Variants in GCSAML observed in about 807,000 individuals in gnomAD.
GCSAML encodes germinal center-associated signaling and motility-like protein.
Under a neutral mutation model 13.0 loss-of-function variants are expected in GCSAML, and 9 were observed. The ratio of observed to expected loss-of-function variants is 0.69; its 90% confidence interval spans 0.42 to 1.21. The LOEUF (loss-of-function observed/expected upper bound fraction) is 1.21. Ranked by LOEUF, GCSAML falls within the 50% of genes most tolerant of loss-of-function variation. The pLI, the probability that GCSAML is intolerant of heterozygous loss-of-function variation, is 0.00. For synonymous variants in GCSAML, 37 were observed against 52.9 expected (o/e 0.70, Z 1.31); for missense variants, 143 against 153.4 (o/e 0.93, Z 0.36).
chr1:247,520,141 T>A (rs985938364), intron 1 of GCSAML, among the ~76,000 whole-genome samples: 1 of 152,206 alleles, frequency 6.6e-6, no homozygotes, highest in Non-Finnish European at 1.5e-5. Flanking sequence ...TGAAATTACA[T>A]CTATTTCCAT....
intron 2 of GCSAML, chr1:247,530,605 G>C (rs1238452259): frequency 6.6e-6 from 1 of 150,880 alleles, no homozygotes; most frequent in African/African-American, 2.4e-5. Flanking sequence ...ATTTTAACAT[G>C]TATCAGGTAC....
At chr1:247,550,359 T>C (rs116822129) in intron 1 of GCSAML, among the ~76,000 whole-genome samples, 4,876 of 152,208 alleles carry the variant, frequency 0.032, 125 homozygotes, top group East Asian at 0.089. Context: ...TAAGGGTGGC[T>C]GGGCACGGTG....
At chr1:247,553,811 G>C (rs1359542817) in intron 1 of GCSAML, among the ~76,000 whole-genome samples, 1 of 152,174 alleles carries the variant, frequency 6.6e-6, no homozygotes, top group Admixed American at 6.6e-5. Flanking sequence ...ATTATCAAAT[G>C]CAGTTTTAAA....
chr1:247,528,293 A>G (rs2103328567), intron 2 of GCSAML: 2 of 151,598 alleles, frequency 1.3e-5, no homozygotes, highest in African/African-American at 4.8e-5. Context: ...GGGGTGCAGT[A>G]TGATGTTTTG....
chr1:247,563,816 A>T (rs75349326), intron 3 of GCSAML, among the ~76,000 whole-genome samples, 177 bp downstream of exon 3: 3,239 of 152,232 alleles, frequency 0.021, 107 homozygotes, highest in African/African-American at 0.073. Context: ...TTTGTATATT[A>T]TTTTTTGAGT....
At chr1:247,562,489 G>A (rs771016074) in intron 2 of GCSAML, among the ~76,000 whole-genome samples, 39 of 152,138 alleles carry the variant, frequency 2.6e-4, no homozygotes, top group Admixed American at 5.2e-4. Context: ...GCTTGGCAGT[G>A]CCAGACAGAC....
In GCSAML at chr1:247,577,091, T is replaced by C. The variant is rs1230044065; in HGVS notation, c.*2709T>C. 2 of 152,220 alleles carry C rather than the reference T, an allele frequency of 1.3e-5. No homozygotes were observed. The highest frequency in any genetic ancestry group is 3.8e-4 in the East Asian group (2 of 5,204). The allele number at this position is 152,220 out of a possible 1,614,324, so 9.4% of individuals were successfully genotyped here. Reference sequence around the variant, plus strand: ...TCAGCAAAGCAGGATTTAAGAAATGTAACTATCTTATGTGGTTATGAAGAA... The same window carrying C: ...TCAGCAAAGCAGGATTTAAGAAATGCAACTATCTTATGTGGTTATGAAGAA... On this transcript the variant is annotated 3_prime_UTR_variant, in exon 5 of 5. Transcript: ENST00000366488.
At chr1:247,559,354 G>A (rs1190646639) in intron 2 of GCSAML, among the ~76,000 whole-genome samples, 3 of 152,040 alleles carry the variant, frequency 2.0e-5, no homozygotes, top group Non-Finnish European at 4.4e-5. Context: ...TCTTTCATAT[G>A]GATTCTAAAT....
chr1:247,544,747 C>T (rs576692645), upstream of GCSAML, among the ~76,000 whole-genome samples: 24 of 152,194 alleles, frequency 1.6e-4, no homozygotes, highest in African/African-American at 5.5e-4. Context: ...CCCAGCTACT[C>T]GGGAGCCCAA....
intron 2 of GCSAML, among the ~76,000 whole-genome samples, chr1:247,559,369 T>C (rs1389287561): frequency 6.6e-6 from 1 of 152,234 alleles, no homozygotes; most frequent in Non-Finnish European, 1.5e-5. Flanking sequence ...CTAAATAGTT[T>C]GGTGTGTAGC....
At chr1:247,573,583 G>A (rs532359313) in intron 4 of GCSAML, among the ~76,000 whole-genome samples, 16 of 152,200 alleles carry the variant, frequency 1.1e-4, no homozygotes, top group African/African-American at 2.4e-4. Context: ...GAAATCACCC[G>A]CCTTCTCTAT....
At chr1:247,560,231 A>G (rs1329686551) in intron 2 of GCSAML, among the ~76,000 whole-genome samples, 1 of 152,184 alleles carries the variant, frequency 6.6e-6, no homozygotes, top group Non-Finnish European at 1.5e-5. Context: ...TTCCCCATTC[A>G]CCAGCTGCTT....
intron 2 of GCSAML, chr1:247,528,218 T>C (rs1666761643): frequency 6.6e-6 from 1 of 150,548 alleles, no homozygotes; most frequent in African/African-American, 2.4e-5. Flanking sequence ...CAAAATTGTA[T>C]AATTATTTTT....
At chr1:247,518,619 A>G (rs1028450537) in intron 1 of GCSAML, 7 of 152,284 alleles carry the variant, frequency 4.6e-5, no homozygotes, top group African/African-American at 1.7e-4. Context: ...GTAGGCGGGA[A>G]CACTCACCCC....
chr1:247,546,410 G>A (rs190053870), upstream of GCSAML, among the ~76,000 whole-genome samples: 1 of 152,082 alleles, frequency 6.6e-6, no homozygotes, highest in Non-Finnish European at 1.5e-5. Flanking sequence ...CCAGGCTGGA[G>A]TGCAGTGGCG....
intron 1 of GCSAML, among the ~76,000 whole-genome samples, chr1:247,512,406 C>A (rs1448051614): frequency 1.3e-5 from 2 of 151,944 alleles, no homozygotes; most frequent in African/African-American, 4.8e-5. Flanking sequence ...TTAGCAATTC[C>A]TCTAACCTTT....
At chr1:247,513,161 T>A (rs549846911) in intron 1 of GCSAML, among the ~76,000 whole-genome samples, 1 of 152,196 alleles carries the variant, frequency 6.6e-6, no homozygotes, top group Non-Finnish European at 1.5e-5. Context: ...GTTTTATCTA[T>A]AAGCTCCTGA....
At chr1:247,510,559 T>C (rs1665999161) in intron 1 of GCSAML, among the ~76,000 whole-genome samples, 1 of 152,298 alleles carries the variant, frequency 6.6e-6, no homozygotes, top group African/African-American at 2.4e-5. Context: ...ATTTGTTTGC[T>C]GTTGCTTCTC....
At chr1:247,562,925 T>C (rs965129375) in intron 2 of GCSAML, among the ~76,000 whole-genome samples, 2 of 151,920 alleles carry the variant, frequency 1.3e-5, no homozygotes, top group Non-Finnish European at 1.5e-5. Context: ...CTGCAACCTC[T>C]GCCTCCCGGG....
Sources: gnomAD v4.1 joint callset for allele counts (sites outside exome capture counted in the v4.1 genomes callset) on GRCh38, gnomAD v4.1.1 for gene constraint, MANE v1.5 for transcripts, NCBI Gene and HGNC (gene_info 2026-07-23, HGNC 2026-07-21) for gene names.